NAALADL2: variants seen among roughly 807,000 people sequenced by gnomAD.
The protein encoded by NAALADL2 is N-acetylated alpha-linked acidic dipeptidase like 2, also known as inactive N-acetylated-alpha-linked acidic dipeptidase-like protein 2.
NAALADL2 carries 76 observed loss-of-function variants against 87.2 expected under a neutral mutation model. The ratio of observed to expected loss-of-function variants is 0.87; its 90% CI spans 0.72 to 1.05. The LOEUF is 1.05. NAALADL2 is among the 50% of genes least tolerant of loss of function. The pLI, the probability that NAALADL2 is intolerant of heterozygous loss-of-function variation, is 0.00. For missense variants in NAALADL2, 1,089 were observed against 945.8 expected (o/e 1.15, Z -1.99); for synonymous variants, 354 against 331.0 (o/e 1.07, Z -0.75).
rs150823927 is a variant in NAALADL2, at chr3:175,685,790, G to A, written c.1897-51516G>A. Among the ~76,000 whole-genome samples, 234 of 152,272 alleles carry A rather than the reference G, an allele frequency of 1.5e-3. 2 individuals carry two copies. Among genetic ancestry groups the A allele is most frequent in the Non-Finnish European group, 2.6e-3 (179 of 68,026 alleles). Reference sequence around the variant, plus strand: ...GTCCCAGGACAATGACATTGGTTACGAAAGAATTCTTACTTGAGGAAGAGT... The same window carrying A: ...GTCCCAGGACAATGACATTGGTTACAAAAGAATTCTTACTTGAGGAAGAGT... On this transcript the variant is annotated intron_variant, in intron 11 of 13. Transcript: ENST00000454872.
intron 2 of NAALADL2, among the ~76,000 whole-genome samples, chr3:175,116,144 C>G (rs906278083): frequency 6.6e-6 from 1 of 151,950 alleles, no homozygotes; most frequent in African/African-American, 2.4e-5. Context: ...TGGGCAAAAA[C>G]TGGAAGCATT....
chr3:174,995,018 G>T (rs944481195), intron 1 of NAALADL2, among the ~76,000 whole-genome samples: 3 of 151,868 alleles, frequency 2.0e-5, no homozygotes, highest in Non-Finnish European at 2.9e-5. Flanking sequence ...GCCTATTAGT[G>T]CTTCAGGGTT....
At chr3:174,769,697 G>A (rs1714285351) in intron 3 of NAALADL2, among the ~76,000 whole-genome samples, 1 of 115,464 alleles carries the variant, frequency 8.7e-6, no homozygotes, top group South Asian at 2.5e-4. Context: ...GTTTTCTCCA[G>A]TAACATATTT....
intron 2 of NAALADL2, among the ~76,000 whole-genome samples, chr3:174,720,393 AG>A (rs1369824750): frequency 1.3e-5 from 2 of 152,182 alleles, no homozygotes; most frequent in African/African-American, 4.8e-5. Context: ...GCATAATGAT[AG>A]GTAATCTAGG....
intron 3 of NAALADL2, among the ~76,000 whole-genome samples, chr3:174,770,641 C>T (rs921379460): frequency 6.6e-6 from 1 of 152,010 alleles, no homozygotes; most frequent in Admixed American, 6.6e-5. Flanking sequence ...GAGATCGAGA[C>T]CATCCTGGCT....
intron 5 of NAALADL2, among the ~76,000 whole-genome samples, chr3:175,389,539 G>A (rs1768826301): frequency 6.6e-6 from 1 of 152,132 alleles, no homozygotes; most frequent in South Asian, 2.1e-4. Flanking sequence ...TGATGGAGAG[G>A]TCATTGTTAA....
intron 2 of NAALADL2, among the ~76,000 whole-genome samples, chr3:174,594,088 A>C (rs1226776836): frequency 7.0e-6 from 1 of 142,024 alleles, no homozygotes; most frequent in South Asian, 2.4e-4. Flanking sequence ...AATATTGAGG[A>C]ATTTTTTTTC....
intron 13 of NAALADL2, among the ~76,000 whole-genome samples, chr3:175,800,249 C>A (rs1263071075): frequency 6.6e-6 from 1 of 151,550 alleles, no homozygotes; most frequent in Non-Finnish European, 1.5e-5. Context: ...AGCTTCTACA[C>A]TCCACAAGAC....
intron 9 of NAALADL2, among the ~76,000 whole-genome samples, chr3:175,523,263 G>A (rs569072016): frequency 1.3e-5 from 2 of 152,288 alleles, no homozygotes; most frequent in Admixed American, 6.5e-5. Flanking sequence ...TATTACTGGC[G>A]TCTAATGGAT....
chr3:175,316,912 T>C (rs6767986), intron 4 of NAALADL2, among the ~76,000 whole-genome samples: 6,510 of 152,142 alleles, frequency 0.043, 459 homozygotes, highest in African/African-American at 0.15. Flanking sequence ...ATTTCTAAAT[T>C]AAGAGCACTA....
chr3:174,854,841 T>C (rs570933391), upstream of NAALADL2, among the ~76,000 whole-genome samples: 89 of 144,472 alleles, frequency 6.2e-4, no homozygotes, highest in Middle Eastern at 3.4e-3. Flanking sequence ...TTTTCTTTTT[T>C]TTTTTTTTTT....
In NAALADL2 at chr3:175,125,392, T is replaced by C. The variant is rs566869118; in HGVS notation, c.545+28101T>C. Among the ~76,000 whole-genome samples, 34 of 152,038 alleles carry C rather than the reference T, an allele frequency of 2.2e-4. No individual in the cohort carries two copies. The South Asian group carries it at 7.1e-3, about 32-fold the overall frequency. On this transcript the variant is annotated intron_variant, in intron 2 of 13. Coordinates refer to ENST00000454872, the MANE Select transcript of NAALADL2 (RefSeq NM_207015.3). ...TTTTTACAAGATCACTCTACTACTT[T>C]GCTGAAAATAGCGCTAAGTGGGAGA... is the stretch of plus-strand genomic sequence containing the variant.
At chr3:174,811,513 C>T (rs140623948) in intron 3 of NAALADL2, among the ~76,000 whole-genome samples, 174 of 152,284 alleles carry the variant, frequency 1.1e-3, no homozygotes, top group Non-Finnish European at 2.2e-3. Flanking sequence ...CAACCCTTAA[C>T]TTGTGGCTGA....
At chr3:175,403,522 C>T (rs1435208382) in intron 5 of NAALADL2, among the ~76,000 whole-genome samples, 1 of 151,952 alleles carries the variant, frequency 6.6e-6, no homozygotes, top group African/African-American at 2.4e-5. Context: ...AAAGGAATAT[C>T]GTATATTTTT....
At chr3:175,196,490 AT>A (rs1739018639) in intron 2 of NAALADL2, among the ~76,000 whole-genome samples, 2 of 151,790 alleles carry the variant, frequency 1.3e-5, no homozygotes, top group Admixed American at 1.3e-4. Context: ...TTGTGTTGGT[AT>A]TTTTTAAGTC....
intron 3 of NAALADL2, among the ~76,000 whole-genome samples, chr3:174,816,223 TCTC>T (rs1160031625): frequency 2.0e-5 from 3 of 151,750 alleles, no homozygotes; most frequent in Non-Finnish European, 2.9e-5. Flanking sequence ...TTTTCCCCCT[TCTC>T]CTCCTCCTCT....
intron 1 of NAALADL2, among the ~76,000 whole-genome samples, chr3:174,526,286 T>A (rs772948685): frequency 3.3e-5 from 5 of 152,198 alleles, no homozygotes; most frequent in Non-Finnish European, 5.9e-5. Flanking sequence ...TAAACAGTCA[T>A]GGCTTTGGCC....
Position 175,529,784 on chromosome 3 carries a change from C to T in NAALADL2, c.1654-46257C>T, listed in dbSNP as rs373088436. On this transcript the variant is annotated intron_variant, in intron 9 of 13. Transcript: ENST00000454872. ...TACCATGATGTTGGATAAGGCATTCCGTGAGTCCATGGATCGTAGTCTTGG... is the reference window on the plus strand; with the variant it reads ...TACCATGATGTTGGATAAGGCATTCTGTGAGTCCATGGATCGTAGTCTTGG... Among the ~76,000 whole-genome samples, 15 of 152,240 alleles carry T rather than the reference C, an allele frequency of 9.9e-5. No individual in the cohort carries two copies. In the South Asian group the frequency reaches 2.3e-3, roughly 23 times the overall value.
chr3:175,147,235 C>T (rs1730880048), intron 2 of NAALADL2, among the ~76,000 whole-genome samples: 1 of 152,108 alleles, frequency 6.6e-6, no homozygotes, highest in Non-Finnish European at 1.5e-5. Context: ...ATCTTGCCAT[C>T]CTCCTTTGCT....
Sources: allele counts gnomAD v4.1 joint callset (sites outside exome capture counted in the v4.1 genomes callset), GRCh38; gene constraint gnomAD v4.1.1; transcripts MANE v1.5; gene names NCBI Gene and HGNC (gene_info 2026-07-23, HGNC 2026-07-21).